Variants in TAMM41 observed in about 807,000 individuals in gnomAD.
The protein encoded by TAMM41 is TAM41 mitochondrial translocator assembly and maintenance homolog.
TAMM41 carries 36 observed loss-of-function variants against 44.1 expected under a neutral mutation model. That is an observed-to-expected ratio of 0.82 (90% CI 0.63 to 1.08). The LOEUF (loss-of-function observed/expected upper bound fraction) is 1.08. Ranked by LOEUF, TAMM41 falls within the 50% of genes least tolerant of loss-of-function variation. The probability of loss-of-function intolerance (pLI) is 0.00; values close to 1 mark genes in which losing one functional copy is unlikely to be tolerated. For missense variants in TAMM41, 417 were observed against 404.3 expected (o/e 1.03, Z -0.27); for synonymous variants, 164 against 153.1 (o/e 1.07, Z -0.53).
chr3:11,834,921 C>T (rs186361150), intron 3 of TAMM41, among the ~76,000 whole-genome samples: 3 of 152,288 alleles, frequency 2.0e-5, no homozygotes. Flanking sequence ...CTCCTGACCT[C>T]AGGTGATCCC....
At chr3:11,743,923 T>G in the TAMM41 span, among the ~76,000 whole-genome samples, 2 of 152,218 alleles carry the variant, frequency 1.3e-5, no homozygotes, top group East Asian at 3.9e-4. Flanking sequence ...ATATGCTCAA[T>G]CCATGCCCAA....
At chr3:11,802,019 G>A (rs967723944) in intron 7 of TAMM41, among the ~76,000 whole-genome samples, 18 of 152,110 alleles carry the variant, frequency 1.2e-4, no homozygotes, top group Non-Finnish European at 2.4e-4. Flanking sequence ...AGGAGTTCAA[G>A]ACCAGCCAGG....
chr3:11,743,904 GC>G, the TAMM41 span, among the ~76,000 whole-genome samples: 4 of 151,938 alleles, frequency 2.6e-5, no homozygotes, highest in Non-Finnish European at 5.9e-5. Context: ...CCCTTCCATT[GC>G]CCTCAGTATA....
chr3:11,784,202 A>C, the TAMM41 span, among the ~76,000 whole-genome samples: 1 of 152,162 alleles, frequency 6.6e-6, no homozygotes, highest in Non-Finnish European at 1.5e-5. Context: ...GTGATATCAT[A>C]ACCTTTTTAA....
the TAMM41 span, among the ~76,000 whole-genome samples, chr3:11,732,935 C>T: frequency 1.3e-4 from 19 of 151,074 alleles, no homozygotes; most frequent in Admixed American, 1.3e-3. Context: ...CTTTATTCTA[C>T]ATGCCAAGGG....
At chr3:11,844,967 G>A (rs1290087153) in intron 1 of TAMM41, 1 of 456,752 alleles carries the variant, frequency 2.2e-6, no homozygotes, top group Non-Finnish European at 4.4e-6. Context: ...GAGTCTTGAA[G>A]GACACGTGAG....
At chr3:11,804,247 G>A (rs964574997) in intron 7 of TAMM41, among the ~76,000 whole-genome samples, 4 of 152,096 alleles carry the variant, frequency 2.6e-5, no homozygotes, top group Non-Finnish European at 5.9e-5. Flanking sequence ...GGTTGAAGGT[G>A]TCAAGAAGAT....
At chr3:11,739,311 C>T in the TAMM41 span, among the ~76,000 whole-genome samples, 2 of 152,180 alleles carry the variant, frequency 1.3e-5, no homozygotes, top group Admixed American at 1.3e-4. Context: ...CATATCCACT[C>T]TCCCCTTGCC....
chr3:11,740,237 A>G, the TAMM41 span, among the ~76,000 whole-genome samples: 5 of 152,154 alleles, frequency 3.3e-5, no homozygotes, highest in Admixed American at 3.3e-4. Context: ...AAATCCCTCA[A>G]TAGTTGCTCA....
chr3:11,763,814 T>C, the TAMM41 span, among the ~76,000 whole-genome samples: 1 of 152,186 alleles, frequency 6.6e-6, no homozygotes, highest in Non-Finnish European at 1.5e-5. Context: ...CAAACCCAGA[T>C]CTTTCTTTCC....
At position 11,829,786 on chromosome 3, in the gene TAMM41, CA is replaced by C; in HGVS notation, c.489del (p.Ala164LeufsTer16). The C allele has an allele frequency of 6.2e-7, 1 of 1,614,146 alleles. No individual in the cohort carries two copies. Among genetic ancestry groups the C allele is most frequent in the Non-Finnish European group, 8.5e-7 (1 of 1,179,990 alleles). ...AAGCTTTCGGGGAGCATGAGGAAAG[CA>C]GCGGTCACAGCACTCTTCAGATTTC... The part of the protein sequence containing the change: ...LDRNLKSAVT[A>X]AFLMLPESFS... On this transcript the variant is annotated frameshift_variant, in exon 4 of 8. Transcript: ENST00000455809. LOFTEE classifies it high-confidence loss of function.
chr3:11,813,276 T>C (rs1280242509), intron 5 of TAMM41, among the ~76,000 whole-genome samples: 2 of 152,086 alleles, frequency 1.3e-5, no homozygotes, highest in Non-Finnish European at 2.9e-5. Context: ...ACACCAGTAA[T>C]CCCAGCACTT....
intron 3 of TAMM41, among the ~76,000 whole-genome samples, chr3:11,837,760 C>G (rs77668401): frequency 7.9e-5 from 12 of 152,304 alleles, no homozygotes; most frequent in Middle Eastern, 3.4e-3. Flanking sequence ...TCCTAGCAGA[C>G]AAGGTGACTG....
the TAMM41 span, among the ~76,000 whole-genome samples, chr3:11,785,057 A>G: frequency 6.6e-6 from 1 of 152,072 alleles, no homozygotes; most frequent in Admixed American, 6.6e-5. Flanking sequence ...AAATTTACAT[A>G]TGATTGAAGG....
At chr3:11,834,931 C>T (rs2079117355) in intron 3 of TAMM41, among the ~76,000 whole-genome samples, 1 of 152,040 alleles carries the variant, frequency 6.6e-6, no homozygotes, top group Non-Finnish European at 1.5e-5. Flanking sequence ...CAGGTGATCC[C>T]CCTACCTCAG....
Position 11,846,693 on chromosome 3 carries a change from G to C in TAMM41, c.-57C>G. On this transcript the variant is annotated 5_prime_UTR_variant, in exon 1 of 8. Coordinates refer to ENST00000455809, the MANE Select transcript of TAMM41 (RefSeq NM_001284401.2). ...AGCAGGGCGAGGACAACCGGGCGGG[G>C]AACAGACACCGGGTAGGCGGTTTAG... 1 of 1,611,000 alleles carries C rather than the reference G, an allele frequency of 6.2e-7. No homozygotes were observed. Among genetic ancestry groups the C allele is most frequent in the Admixed American group, 1.7e-5 (1 of 59,970 alleles).
the TAMM41 span, among the ~76,000 whole-genome samples, chr3:11,749,932 C>G: frequency 2.0e-5 from 3 of 146,942 alleles, no homozygotes; most frequent in Non-Finnish European, 4.5e-5. Context: ...GAGTCTTGCT[C>G]TGTTGCCCAG....
At chr3:11,801,125 A>T (rs780733167) in intron 7 of TAMM41, among the ~76,000 whole-genome samples, 1 of 151,786 alleles carries the variant, frequency 6.6e-6, no homozygotes, top group South Asian at 2.1e-4. Context: ...AAGAAGAAAC[A>T]TTCTTAAAGA....
chr3:11,769,006 C>T, the TAMM41 span, among the ~76,000 whole-genome samples: 1 of 152,152 alleles, frequency 6.6e-6, no homozygotes, highest in Non-Finnish European at 1.5e-5. Context: ...AAGGGCATGG[C>T]TGAGGATGTG....
Sources: gnomAD v4.1 joint callset for allele counts (sites outside exome capture counted in the v4.1 genomes callset) on GRCh38, gnomAD v4.1.1 for gene constraint, MANE v1.5 for transcripts, NCBI Gene and HGNC (gene_info 2026-07-23, HGNC 2026-07-21) for gene names.